The following F5 variants were observed in gnomAD, a reference collection of about 807,000 sequenced individuals.
F5 encodes coagulation factor V.
F5 carries 138 observed loss-of-function variants against 216.4 expected under a neutral mutation model. That is an observed-to-expected ratio of 0.64 (90% CI 0.56 to 0.73). The LOEUF (loss-of-function observed/expected upper bound fraction) is 0.73, where lower values mean the gene tolerates loss of function less well. Ranked by LOEUF, F5 falls within the 30% of genes least tolerant of loss-of-function variation. The pLI is 0.00. For missense variants in F5, 2,403 were observed against 2,674.0 expected, an observed-to-expected ratio of 0.90 and a Z score of 2.24; for synonymous variants, 916 against 930.7, an observed-to-expected ratio of 0.98 and a Z score of 0.29.
At position 169,542,133 on chromosome 1, in the gene F5, G is replaced by A. The variant is rs1210289722; in HGVS notation, c.2957C>T (p.Thr986Ile). The A allele has an allele frequency of 6.2e-7, 1 of 1,614,042 alleles. No homozygotes were observed. Among genetic ancestry groups the A allele is most frequent in the South Asian group, 1.1e-5 (1 of 91,070 alleles). Residue 986 changes from threonine (T) to isoleucine (I), a missense_variant, in exon 13 of 25, where the codon ACC (threonine) becomes ATC (isoleucine). Physicochemically the swap from Thr to Ile is moderately conservative, Grantham distance 89. Transcript: ENST00000367797. Reference sequence around the variant, plus strand: ...CTTTCCAGGCTTGTTGGCAAGAGGGGTGCTTTCTCCCCAAGCACGTGAGGC... The same window carrying A: ...CTTTCCAGGCTTGTTGGCAAGAGGGATGCTTTCTCCCCAAGCACGTGAGGC... ...QNASRAWGES[T>I]PLANKPGKQS...
At chr1:169,521,128 T>C (rs1452587793) in intron 21 of F5, among the ~76,000 whole-genome samples, 2 of 152,162 alleles carry the variant, frequency 1.3e-5, no homozygotes, top group Non-Finnish European at 2.9e-5. Flanking sequence ...CGAGATATGA[T>C]AGAAAACTGG....
At chr1:169,524,211 A>G (rs1001453939) in intron 19 of F5, among the ~76,000 whole-genome samples, 26 of 152,190 alleles carry the variant, frequency 1.7e-4, no homozygotes, top group Admixed American at 1.2e-3. Flanking sequence ...GGAAGGGTAT[A>G]TGGGAGCCTC....
At position 169,543,286 on chromosome 1, in the gene F5, C is replaced by T. The variant is rs2239852; in HGVS notation, c.1976-172G>A. ...TATTGATTACTGGGTCAAAATAACA[C>T]AAGGAGAGAAAAATGAGAATGAAAT... On this transcript the variant is annotated intron_variant, in intron 12 of 24. Transcript: ENST00000367797. 0.4 allele frequency among the ~76,000 whole-genome samples: 60,079 copies of T among 151,896 alleles called. 12,903 individuals are homozygous for T. The highest frequency in any genetic ancestry group is 0.9 in the East Asian group (4,644 of 5,180).
chr1:169,539,467 AGTT>A (rs5778619), intron 13 of F5, among the ~76,000 whole-genome samples: 46,236 of 151,924 alleles, frequency 0.3, 8,130 homozygotes, highest in Non-Finnish European at 0.41. Context: ...TCAGGTAGCT[AGTT>A]GTTCTCATGT....
At chr1:169,515,081 T>A (rs530992485) in intron 24 of F5, among the ~76,000 whole-genome samples, 5 of 152,288 alleles carry the variant, frequency 3.3e-5, no homozygotes, top group Non-Finnish European at 7.4e-5. Context: ...AATGTGACCA[T>A]GCATTTTAAT....
In F5 at chr1:169,542,551, T is replaced by C. The variant is rs768546136; in HGVS notation, c.2539A>G (p.Ile847Val). 1.9e-6 allele frequency: 3 copies of C among 1,613,938 alleles called. No homozygotes were observed. The highest frequency in any genetic ancestry group is 2.5e-6 in the Non-Finnish European group (3 of 1,179,956). The change falls in exon 13 of 25, where the codon ATA (isoleucine) becomes GTA (valine). Residue 847 changes from isoleucine to valine, a missense_variant. By Grantham distance (29) the Ile-to-Val change is conservative. This residue lies in a region of F5 where 1,425 missense variants were observed against 1,554.8 expected (regional missense o/e 0.92). Coordinates refer to ENST00000367797, the MANE Select transcript of F5 (RefSeq NM_000130.5). ...CCAGCACCAAGTGAAAGTAGACGTATCCCTGTGACATCTGGCTGTAGAGGA... is the reference window on the plus strand; with the variant it reads ...CCAGCACCAAGTGAAAGTAGACGTACCCCTGTGACATCTGGCTGTAGAGGA... ...EDPLQPDVTG[I>V]RLLSLGAGEF...
At chr1:169,574,807 T>C (rs1382135776) in intron 2 of F5, among the ~76,000 whole-genome samples, 1 of 152,224 alleles carries the variant, frequency 6.6e-6, no homozygotes, top group Non-Finnish European at 1.5e-5. Flanking sequence ...GCCACTTCTT[T>C]ATACTACACC....
intron 11 of F5, among the ~76,000 whole-genome samples, chr1:169,545,098 C>G (rs1031592074): frequency 6.6e-6 from 1 of 152,176 alleles, no homozygotes; most frequent in East Asian, 1.9e-4. Context: ...TCTACAAGGG[C>G]AGGGCTCATG....
In F5 at chr1:169,515,460, G is replaced by A; in HGVS notation, c.6512C>T (p.Ser2171Phe). The change falls in exon 24 of 25, where the codon TCC becomes TTC. Residue 2171 changes from serine to phenylalanine, a missense_variant. Coordinates refer to ENST00000367797, the MANE Select transcript of F5 (RefSeq NM_000130.5). The stretch of plus-strand genomic sequence containing the variant: ...CCACTCTACCTTGTCCACCATGGAG[G>A]ATTTCAGCCTGTATGGTTTCCATTC... ...GVEWKPYRLK[S>F]SMVDKIFEGN... is the part of the protein sequence containing the mutation. The A allele has an allele frequency of 6.2e-7, 1 of 1,613,300 alleles. No homozygotes were observed. Among genetic ancestry groups the A allele is most frequent in the Non-Finnish European group, 8.5e-7 (1 of 1,179,556 alleles).
Position 169,550,000 on chromosome 1 carries a change from A to G in F5, c.1412T>C (p.Met471Thr), listed in dbSNP as rs778004101. ...SSFTSGRNNT[M>T]IRAVQPGETY... is the part of the protein sequence containing the mutation. ...TTCCCCTGGTTGAACTGCTCTGATC[A>G]TGGTGTTGTTCCTGCCTGAAAGAAA... The change falls in exon 10 of 25, where the codon ATG becomes ACG. Residue 471 changes from methionine to threonine, a missense_variant. This residue lies in a region of F5 where 1,425 missense variants were observed against 1,554.8 expected (regional missense o/e 0.92). Coordinates refer to ENST00000367797, the MANE Select transcript of F5 (RefSeq NM_000130.5). The G allele has an allele frequency of 9.3e-6, 15 of 1,613,848 alleles. No individual in the cohort carries two copies. Among genetic ancestry groups the G allele is most frequent in the Non-Finnish European group, 1.3e-5 (15 of 1,179,912 alleles).
intron 3 of F5, among the ~76,000 whole-genome samples, chr1:169,569,146 A>T (rs115891755): frequency 2.0e-3 from 299 of 152,236 alleles, no homozygotes; most frequent in African/African-American, 6.9e-3. Context: ...TACTCAAGGA[A>T]GTCTCTACAT....
intron 21 of F5, among the ~76,000 whole-genome samples, chr1:169,521,873 C>T (rs1416697710): frequency 6.6e-6 from 1 of 151,958 alleles, no homozygotes; most frequent in African/African-American, 2.4e-5. Flanking sequence ...CCCACCTCGG[C>T]CTCCCAAAGT....
chr1:169,513,444 G>A lies in F5; in HGVS notation c.*869C>T, dbSNP rs1659080807. Among the ~76,000 whole-genome samples, 1 of 152,050 alleles carries A rather than the reference G, an allele frequency of 6.6e-6. No homozygotes were observed. The highest frequency in any genetic ancestry group is 1.5e-5 in the Non-Finnish European group (1 of 67,978). On this transcript the variant is annotated 3_prime_UTR_variant, in exon 25 of 25. Coordinates refer to ENST00000367797, the MANE Select transcript of F5 (RefSeq NM_000130.5). ...AAGTTGCTGGAAGAAGAGAGAGGAG[G>A]AAGTTGAGGCCATAGAGAGGAAGGC...
Position 169,536,656 on chromosome 1 carries a change from A to T in F5, c.4821T>A (p.Asp1607Glu). 6.2e-7 allele frequency: 1 copy of T among 1,612,322 alleles called. No homozygotes were observed. Among genetic ancestry groups the T allele is most frequent in the Non-Finnish European group, 8.5e-7 (1 of 1,178,488 alleles). The change falls in exon 14 of 25, where the codon GAT becomes GAA. Residue 1607 changes from aspartate (D) to glutamate (E), a missense_variant. Physicochemically the swap from Asp to Glu is conservative, Grantham distance 45. Coordinates refer to ENST00000367797, the MANE Select transcript of F5 (RefSeq NM_000130.5). ...VQRETDIEDS[D>E]DIPEDTTYKK... ...TATATGTGGTATCTTCTGGAATATC[A>T]TCAGAGTCTTCAATATCTGTTTCCC...
Position 169,536,582 on chromosome 1 carries a change from T to A in F5, c.4895A>T (p.Asp1632Val). ...KYLDSTFTKR[D>V]PRGEYEEHLG... is the part of the protein sequence containing the mutation. ...ATGCTCTTCATACTCCCCTCGAGGA[T>A]CACGTTTGGTAAAAGTGCTGTCGAG... The change falls in exon 14 of 25, where the codon GAT becomes GTT. Residue 1632 changes from aspartate (D) to valine (V), a missense_variant. By Grantham distance (152) the Asp-to-Val change is radical (BLOSUM62 -3). Transcript: ENST00000367797. 2 of 1,613,610 alleles carry A rather than the reference T, an allele frequency of 1.2e-6. No individual in the cohort carries two copies. Among genetic ancestry groups the A allele is most frequent in the Middle Eastern group, 3.3e-4 (2 of 6,060 alleles).
chr1:169,572,898 G>A (rs968498650), intron 2 of F5, among the ~76,000 whole-genome samples: 2 of 151,742 alleles, frequency 1.3e-5, no homozygotes, highest in Non-Finnish European at 2.9e-5. Flanking sequence ...TATGGGCTAC[G>A]GTAAGAACTT....
rs371564573 is a variant in F5 at position 169,541,699 on chromosome 1, G to A, written c.3391C>T (p.Pro1131Ser). 6 of 1,613,962 alleles carry A rather than the reference G, an allele frequency of 3.7e-6. No homozygotes were observed. Among genetic ancestry groups the A allele is most frequent in the Non-Finnish European group, 4.2e-6 (5 of 1,179,998 alleles). Residue 1131 changes from proline to serine, a missense_variant, in exon 13 of 25, where the codon CCC (proline) becomes TCC (serine). Physicochemically the swap from Pro to Ser is moderately conservative, Grantham distance 74. Transcript: ENST00000367797. ...VPPEEHYQTF[P>S]IQDPDQMHST... is the part of the protein sequence containing the mutation. Reference sequence around the variant, plus strand: ...TGCATTTGATCAGGGTCTTGAATGGGGAATGTTTGATAGTGTTCCTCTGGG... The same window carrying A: ...TGCATTTGATCAGGGTCTTGAATGGAGAATGTTTGATAGTGTTCCTCTGGG...
chr1:169,549,948 T>C lies in F5; in HGVS notation c.1464A>G (p.Leu488=), dbSNP rs755432662. 30 of 1,614,078 alleles carry C rather than the reference T, an allele frequency of 1.9e-5. No homozygotes were observed. The South Asian group carries it at 2.5e-4, about 14-fold the overall frequency. Residue 488 remains leucine, a synonymous_variant, in exon 10 of 25, where the codon TTA becomes TTG. Transcript: ENST00000367797. ...GETYTYKWNI[L]EFDEPTENDA... ...CATTTTCTGTGGGTTCATCAAACTC[T>C]AAGATGTTCCACTTATAAGTATAGG... is the stretch of plus-strand genomic sequence containing the variant.
In F5 at chr1:169,555,170, C is replaced by G. The variant is rs369108249; in HGVS notation, c.1118+12G>C. On this transcript the variant is annotated intron_variant, in intron 7 of 24. Coordinates refer to ENST00000367797, the MANE Select transcript of F5 (RefSeq NM_000130.5). ...GAACCTTTGCCCAGTGGTATGAACC[C>G]CAACAACTCACTTGTCCATATTCGC... The G allele has an allele frequency of 2.7e-5, 44 of 1,614,012 alleles. No individual in the cohort carries two copies. The African/African-American group carries it at 5.5e-4, about 20-fold the overall frequency.
Sources: allele counts gnomAD v4.1 joint callset (sites outside exome capture counted in the v4.1 genomes callset), GRCh38; gene constraint gnomAD v4.1.1; regional missense constraint gnomAD v4.1.1; transcripts MANE v1.5; gene names NCBI Gene and HGNC (gene_info 2026-07-23, HGNC 2026-07-21).